ATG5: variants seen among roughly 807,000 people sequenced by gnomAD.
ATG5 encodes the protein autophagy protein 5.
ATG5 carries 14 observed loss-of-function variants against 36.5 expected under a neutral mutation model. The ratio of observed to expected loss-of-function variants is 0.38; its 90% CI spans 0.25 to 0.60. The LOEUF is 0.60. Among genes scored for constraint, ATG5 ranks in the 20% least tolerant of loss-of-function variants. ATG5 has a pLI of 0.60. For synonymous variants in ATG5, 95 were observed against 101.5 expected (o/e 0.94, Z 0.38); for missense variants, 195 against 326.7 (o/e 0.60, Z 3.11).
At chr6:106,222,662 T>C (rs1316555298) in intron 6 of ATG5, among the ~76,000 whole-genome samples, 1 of 152,230 alleles carries the variant, frequency 6.6e-6, no homozygotes, top group East Asian at 1.9e-4. Context: ...ATGAACTTAA[T>C]ATATGAAAGG....
chr6:106,300,458 T>C (rs1336613593), intron 3 of ATG5, among the ~76,000 whole-genome samples: 3 of 152,174 alleles, frequency 2.0e-5, no homozygotes, highest in Non-Finnish European at 2.9e-5. Flanking sequence ...TTCTGAGTCA[T>C]TCTATCATGT....
At chr6:106,292,749 C>A (rs113928936) in intron 4 of ATG5, among the ~76,000 whole-genome samples, 2,870 of 152,194 alleles carry the variant, frequency 0.019, 81 homozygotes, top group African/African-American at 0.066. Context: ...GGATTACAGG[C>A]GTGAGCCACC....
chr6:106,259,641 T>C (rs969742638), intron 5 of ATG5, among the ~76,000 whole-genome samples: 2 of 152,010 alleles, frequency 1.3e-5, no homozygotes, highest in African/African-American at 4.8e-5. Flanking sequence ...ACATTCTAGG[T>C]AGACAAATAT....
intron 6 of ATG5, among the ~76,000 whole-genome samples, chr6:106,240,267 TAC>T (rs1255257463): frequency 6.6e-6 from 1 of 150,420 alleles, no homozygotes; most frequent in Non-Finnish European, 1.5e-5. Context: ...AGATGAATTA[TAC>T]AGTTATATTT....
At chr6:106,320,447 T>C (rs955197394) in intron 1 of ATG5, among the ~76,000 whole-genome samples, 4 of 152,260 alleles carry the variant, frequency 2.6e-5, no homozygotes, top group African/African-American at 7.2e-5. Context: ...GCAATATATA[T>C]GCCAACTTTT....
intron 1 of ATG5, among the ~76,000 whole-genome samples, chr6:106,319,622 T>C (rs554282984): frequency 1.2e-4 from 18 of 152,324 alleles, no homozygotes; most frequent in African/African-American, 4.3e-4. Flanking sequence ...CAAAATAACC[T>C]TTCTTCTACA....
chr6:106,293,513 G>A (rs1780404487), intron 3 of ATG5, among the ~76,000 whole-genome samples: 2 of 152,074 alleles, frequency 1.3e-5, no homozygotes, highest in South Asian at 4.1e-4. Flanking sequence ...ACCAAGATGA[G>A]CAACTAAAAC....
chr6:106,253,638 C>A (rs915693867), intron 5 of ATG5, among the ~76,000 whole-genome samples: 1 of 152,190 alleles, frequency 6.6e-6, no homozygotes, highest in Non-Finnish European at 1.5e-5. Flanking sequence ...TCTGAGCCAA[C>A]ACAATAGCCT....
At chr6:106,224,583 AC>A (rs1421761033) in intron 6 of ATG5, among the ~76,000 whole-genome samples, 1 of 152,176 alleles carries the variant, frequency 6.6e-6, no homozygotes, top group Non-Finnish European at 1.5e-5. Flanking sequence ...CTATGTTAAG[AC>A]CAGAAATACG....
intron 1 of ATG5, among the ~76,000 whole-genome samples, chr6:106,319,797 A>G (rs986654612): frequency 6.6e-6 from 1 of 152,186 alleles, no homozygotes; most frequent in Non-Finnish European, 1.5e-5. Context: ...CACCTCTGAT[A>G]CTTGGAATGG....
At chr6:106,237,614 A>G (rs994451851) in intron 6 of ATG5, among the ~76,000 whole-genome samples, 3 of 152,228 alleles carry the variant, frequency 2.0e-5, no homozygotes, top group African/African-American at 7.2e-5. Context: ...GCTATAATAC[A>G]GATTTTAAAA....
At chr6:106,324,077 G>C (rs1771203683) in intron 1 of ATG5, among the ~76,000 whole-genome samples, 1 of 152,056 alleles carries the variant, frequency 6.6e-6, no homozygotes, top group South Asian at 2.1e-4. Context: ...CCCCTGCACT[G>C]CTTTGGTTTT....
In ATG5 at chr6:106,310,715, C is replaced by T. The variant is rs1460400262; in HGVS notation, c.109-2224G>A. Among the ~76,000 whole-genome samples, 3 of 152,216 alleles carry T rather than the reference C, an allele frequency of 2.0e-5. No individual in the cohort carries two copies. The East Asian group carries it at 5.8e-4, about 29-fold the overall frequency. On this transcript the variant is annotated intron_variant, in intron 2 of 7. Transcript: ENST00000369076. ...ACAGTAGCTCCCCATTCCCTGCTTC[C>T]CCAGCTCCCAGTAACCACCATTTTA... is the stretch of plus-strand genomic sequence containing the variant.
intron 2 of ATG5, among the ~76,000 whole-genome samples, chr6:106,315,813 A>C (rs1770825095): frequency 6.6e-6 from 1 of 152,214 alleles, no homozygotes; most frequent in African/African-American, 2.4e-5. Context: ...AAAGAAAGTC[A>C]AGAAGGCACC....
chr6:106,303,184 C>CA (rs1562265309), intron 3 of ATG5, among the ~76,000 whole-genome samples: 1 of 150,960 alleles, frequency 6.6e-6, no homozygotes, highest in Non-Finnish European at 1.5e-5. Flanking sequence ...ACTGGCTCTT[C>CA]AAAAAAATAA....
At chr6:106,316,726 T>G (rs1770866236) in intron 1 of ATG5, among the ~76,000 whole-genome samples, 1 of 152,152 alleles carries the variant, frequency 6.6e-6, no homozygotes, top group South Asian at 2.1e-4. Flanking sequence ...GCAAAACTAC[T>G]CTCCCATCTT....
chr6:106,196,722 CAA>C lies in ATG5; in HGVS notation c.691+5248_691+5249del, dbSNP rs34507159. ...TGAGCAACAGAGTGAGAATCAGTCTCAAAAAAAAAAAAAAGTAGATTGAAAGT... is the reference window on the plus strand; with the variant it reads ...TGAGCAACAGAGTGAGAATCAGTCTCAAAAAAAAAAAAGTAGATTGAAAGT... On this transcript the variant is annotated intron_variant, in intron 7 of 7. Transcript: ENST00000369076. Among the ~76,000 whole-genome samples the C allele has an allele frequency of 3.4e-4, 47 of 138,296 alleles. 1 individual carries two copies. Among genetic ancestry groups the C allele is most frequent in the South Asian group, 1.2e-3 (5 of 4,292 alleles). The allele number at this position is 138,296 out of a possible 152,430, so 90.7% of individuals were successfully genotyped here. A position where few individuals can be genotyped will look rare whatever the true frequency, so the allele number is the denominator to read the frequency against.
chr6:106,250,857 C>T (rs1778546500), intron 5 of ATG5, among the ~76,000 whole-genome samples: 1 of 152,236 alleles, frequency 6.6e-6, no homozygotes, highest in South Asian at 2.1e-4. Context: ...CAAATTCACC[C>T]TTCAATATAT....
intron 6 of ATG5, 176 bp from the exon 7 acceptor site, chr6:106,202,265 A>T: frequency 2.1e-6 from 1 of 478,808 alleles, no homozygotes; most frequent in Non-Finnish European, 3.7e-6. Context: ...TGATAAATTC[A>T]GGTAAATCTA....
Sources: allele counts gnomAD v4.1 joint callset (sites outside exome capture counted in the v4.1 genomes callset), GRCh38; gene constraint gnomAD v4.1.1; transcripts MANE v1.5; gene names NCBI Gene and HGNC (gene_info 2026-07-23, HGNC 2026-07-21).